Variants in MSRA observed in about 807,000 individuals in gnomAD.
MSRA encodes mitochondrial peptide methionine sulfoxide reductase.
Under a neutral mutation model 31.3 loss-of-function variants are expected in MSRA, and 54 were observed. That is an observed-to-expected ratio of 1.73 (90% confidence interval 1.39 to 2.17). The LOEUF is 2.17. Ranked by LOEUF, MSRA falls within the 30% of genes most tolerant of loss-of-function variation. The pLI is 0.00. For missense variants in MSRA, 507 were observed against 300.9 expected, an observed-to-expected ratio of 1.69 and a Z score of -5.07; for synonymous variants, 169 against 116.5, an observed-to-expected ratio of 1.45 and a Z score of -2.90.
Position 10,237,472 on chromosome 8 carries a change from A to G in MSRA, c.212-7632A>G, listed in dbSNP as rs149862087. ...AATATGACAAAATATTTCCAAATTCATCTAAGTTCAATAAAATTCTATTTA... is the reference window on the plus strand; with the variant it reads ...AATATGACAAAATATTTCCAAATTCGTCTAAGTTCAATAAAATTCTATTTA... On this transcript the variant is annotated intron_variant, in intron 2 of 5. Coordinates refer to ENST00000317173, the MANE Select transcript of MSRA (RefSeq NM_012331.5). Among the ~76,000 whole-genome samples the G allele has an allele frequency of 5.5e-4, 84 of 152,370 alleles. No homozygotes were observed. In the East Asian group the frequency reaches 9.8e-3, roughly 18 times the overall value.
rs906936255 is a variant in MSRA, at chr8:10,250,306, G to A, written c.331+5083G>A. 3 of 630,558 alleles carry A rather than the reference G, an allele frequency of 4.8e-6. No homozygotes were observed. The African/African-American group carries it at 5.5e-5, about 11-fold the overall frequency. The allele number at this position is 630,558 out of a possible 1,614,324, so 39.1% of individuals were successfully genotyped here. The stretch of plus-strand genomic sequence containing the variant: ...AAATATGAAAAGACATTCTGCAATG[G>A]ATAAGCATTCTGGGTTAATTTCAGT... On this transcript the variant is annotated intron_variant, in intron 3 of 5. Transcript: ENST00000317173.
intron 5 of MSRA, among the ~76,000 whole-genome samples, chr8:10,409,364 T>TA (rs1373916141): frequency 6.6e-6 from 1 of 152,262 alleles, no homozygotes; most frequent in Non-Finnish European, 1.5e-5. Context: ...CGTTTGTTTT[T>TA]AAATGAAGTT....
At chr8:10,341,745 C>A (rs936138450) in intron 5 of MSRA, among the ~76,000 whole-genome samples, 1 of 152,126 alleles carries the variant, frequency 6.6e-6, no homozygotes, top group African/African-American at 2.4e-5. Flanking sequence ...GATGGTGTGA[C>A]GTAAGTGAGA....
chr8:10,365,418 A>G (rs1251634130), intron 5 of MSRA, among the ~76,000 whole-genome samples: 1 of 152,232 alleles, frequency 6.6e-6, no homozygotes, highest in African/African-American at 2.4e-5. Flanking sequence ...ATCTTAAAAT[A>G]ACGCCTCCGG....
At chr8:10,104,149 C>G (rs916046323) in intron 1 of MSRA, among the ~76,000 whole-genome samples, 5 of 152,040 alleles carry the variant, frequency 3.3e-5, no homozygotes, top group African/African-American at 9.7e-5. Context: ...TTTGTGCTAC[C>G]CATGCTGTCA....
intron 3 of MSRA, among the ~76,000 whole-genome samples, chr8:10,247,032 A>T (rs1207972425): frequency 2.0e-5 from 3 of 152,230 alleles, no homozygotes; most frequent in African/African-American, 7.2e-5. Flanking sequence ...TATACCTATT[A>T]TCCTCAAGCA....
chr8:10,198,282 C>T lies in MSRA; in HGVS notation c.143-9551C>T, dbSNP rs190254724. 2.0e-3 allele frequency among the ~76,000 whole-genome samples: 310 copies of T among 151,406 alleles called. 1 individual carries two copies. Among genetic ancestry groups the T allele is most frequent in the African/African-American group, 7.1e-3 (292 of 41,200 alleles). Reference sequence around the variant, plus strand: ...GCTTCCTTCTTGTTATTTTCCTTGACTTTGTTCTTTACTTGAGGAGGATAC... The same window carrying T: ...GCTTCCTTCTTGTTATTTTCCTTGATTTTGTTCTTTACTTGAGGAGGATAC... On this transcript the variant is annotated intron_variant, in intron 1 of 5. Coordinates refer to ENST00000317173, the MANE Select transcript of MSRA (RefSeq NM_012331.5).
intron 5 of MSRA, among the ~76,000 whole-genome samples, chr8:10,329,064 A>G (rs772507234): frequency 6.6e-6 from 1 of 152,212 alleles, no homozygotes; most frequent in Non-Finnish European, 1.5e-5. Context: ...GTACAACATT[A>G]TTTGGTAGGA....
At chr8:10,143,145 C>T (rs929830923) in intron 1 of MSRA, among the ~76,000 whole-genome samples, 3 of 152,112 alleles carry the variant, frequency 2.0e-5, no homozygotes, top group Admixed American at 1.3e-4. Context: ...CCTGCACCGT[C>T]GTTTTGGTTT....
intron 1 of MSRA, among the ~76,000 whole-genome samples, chr8:10,200,571 A>G (rs578115316): frequency 6.6e-6 from 1 of 152,102 alleles, no homozygotes; most frequent in Non-Finnish European, 1.5e-5. Flanking sequence ...AGGGAGGAGC[A>G]CTGGGAATTC....
intron 1 of MSRA, among the ~76,000 whole-genome samples, chr8:10,159,679 AG>A (rs1281461323): frequency 6.6e-6 from 1 of 152,124 alleles, no homozygotes; most frequent in South Asian, 2.1e-4. Flanking sequence ...GGGAGAGGGG[AG>A]GGGGTTGCCT....
At chr8:10,391,967 G>T (rs1007091053) in intron 5 of MSRA, among the ~76,000 whole-genome samples, 3 of 152,182 alleles carry the variant, frequency 2.0e-5, no homozygotes, top group South Asian at 2.1e-4. Flanking sequence ...ATTTCCAAAA[G>T]GTGGTATTTT....
At chr8:10,120,137 C>T (rs1208700288) in intron 1 of MSRA, among the ~76,000 whole-genome samples, 1 of 152,068 alleles carries the variant, frequency 6.6e-6, no homozygotes, top group South Asian at 2.1e-4. Context: ...AACCAGAGTT[C>T]AAGGGAGCCC....
At chr8:10,419,495 C>G (rs1275538040) in intron 5 of MSRA, among the ~76,000 whole-genome samples, 1 of 152,136 alleles carries the variant, frequency 6.6e-6, no homozygotes, top group Non-Finnish European at 1.5e-5. Flanking sequence ...AATAACGGCC[C>G]CACCCTGCAG....
intron 1 of MSRA, among the ~76,000 whole-genome samples, chr8:10,141,143 GCCA>G (rs1345771838): frequency 1.3e-5 from 2 of 152,168 alleles, no homozygotes; most frequent in African/African-American, 4.8e-5. Context: ...TCATCCACTG[GCCA>G]CCAGCGTAGA....
rs566498211 is a variant in MSRA at position 10,103,127 on chromosome 8, A to C, written c.142+48469A>C. On this transcript the variant is annotated intron_variant, in intron 1 of 5. Coordinates refer to ENST00000317173, the MANE Select transcript of MSRA (RefSeq NM_012331.5). ...ATTAATTTAGAAAAATTATTTTTAA[A>C]AGGAGAGAATACGCTACCTGGGTAA... Among the ~76,000 whole-genome samples the C allele has an allele frequency of 2.0e-5, 3 of 152,306 alleles. No individual in the cohort carries two copies. In the South Asian group the frequency reaches 6.2e-4, roughly 32 times the overall value.
intron 3 of MSRA, among the ~76,000 whole-genome samples, chr8:10,275,383 G>C (rs1321249118): frequency 1.3e-5 from 2 of 152,188 alleles, no homozygotes; most frequent in Non-Finnish European, 2.9e-5. Context: ...TCCAAGCCTT[G>C]TGTAAGGGTT....
chr8:10,410,152 A>G (rs182068203), intron 5 of MSRA, among the ~76,000 whole-genome samples: 93 of 152,336 alleles, frequency 6.1e-4, no homozygotes, highest in African/African-American at 2.0e-3. Flanking sequence ...TGGTCTTCCC[A>G]TGGTCCCATC....
intron 5 of MSRA, among the ~76,000 whole-genome samples, chr8:10,351,820 G>A (rs1804168886): frequency 6.6e-6 from 1 of 152,150 alleles, no homozygotes; most frequent in Non-Finnish European, 1.5e-5. Flanking sequence ...GGATACAGCA[G>A]GTCTGGATGA....
Sources: allele counts gnomAD v4.1 joint callset (sites outside exome capture counted in the v4.1 genomes callset), GRCh38; gene constraint gnomAD v4.1.1; transcripts MANE v1.5; gene names NCBI Gene and HGNC (gene_info 2026-07-23, HGNC 2026-07-21).